CDH13: variants seen among roughly 807,000 people sequenced by gnomAD.
CDH13 encodes cadherin-13.
CDH13 carries 24 observed loss-of-function variants against 63.8 expected under a neutral mutation model. That is an observed-to-expected ratio of 0.38 (90% CI 0.27 to 0.53). The LOEUF is 0.53. Ranked by LOEUF, CDH13 falls within the 20% of genes least tolerant of loss-of-function variation. CDH13 has a pLI of 0.85. For missense variants in CDH13, 1,049 were observed against 903.1 expected, an observed-to-expected ratio of 1.16 and a Z score of -2.07; for synonymous variants, 503 against 355.3, an observed-to-expected ratio of 1.42 and a Z score of -4.67.
At chr16:83,318,138 T>A (rs1231133054) in intron 5 of CDH13, among the ~76,000 whole-genome samples, 1 of 152,212 alleles carries the variant, frequency 6.6e-6, no homozygotes, top group African/African-American at 2.4e-5. Context: ...ACACAGTGTC[T>A]AAAACATACT....
intron 7 of CDH13, among the ~76,000 whole-genome samples, chr16:83,594,138 A>C (rs1418807043): frequency 6.6e-6 from 1 of 152,218 alleles, no homozygotes; most frequent in Non-Finnish European, 1.5e-5. Flanking sequence ...TGTTGGCAGC[A>C]TGGTTGGCAA....
At chr16:83,248,748 A>G (rs1905207404) in intron 5 of CDH13, among the ~76,000 whole-genome samples, 1 of 151,836 alleles carries the variant, frequency 6.6e-6, no homozygotes, top group Non-Finnish European at 1.5e-5. Context: ...TCCATTTCTC[A>G]TTATGTTCCC....
intron 5 of CDH13, among the ~76,000 whole-genome samples, chr16:83,233,831 A>C (rs983227715): frequency 6.6e-6 from 1 of 152,158 alleles, no homozygotes; most frequent in Admixed American, 6.5e-5. Context: ...ACATAGTCAA[A>C]GTTTCCAGAC....
At chr16:82,952,203 T>G (rs1905391331) in intron 2 of CDH13, among the ~76,000 whole-genome samples, 1 of 152,240 alleles carries the variant, frequency 6.6e-6, no homozygotes, top group Non-Finnish European at 1.5e-5. Context: ...ACGTGGGTGC[T>G]GCCCGAGAAG....
intron 1 of CDH13, among the ~76,000 whole-genome samples, chr16:82,754,594 C>T (rs749169516): frequency 1.1e-4 from 17 of 152,146 alleles, no homozygotes; most frequent in Non-Finnish European, 2.4e-4. Context: ...AGCTTCTACA[C>T]AAAGGAAGAT....
rs28465669 is a variant in CDH13, at chr16:82,750,127, C to T, written c.46-108235C>T. ...TGATTCCTGGAGGACATAAGTTGAG[C>T]GGGGTGCTTTTGGAGGTTAACTCCA... On this transcript the variant is annotated intron_variant, in intron 1 of 13. Coordinates refer to ENST00000567109, the MANE Select transcript of CDH13 (RefSeq NM_001257.5). Among the ~76,000 whole-genome samples, 315 of 152,170 alleles carry T rather than the reference C, an allele frequency of 2.1e-3. 1 individual carries two copies. Among genetic ancestry groups the T allele is most frequent in the African/African-American group, 7.2e-3 (300 of 41,510 alleles).
chr16:83,070,338 C>T (rs1418377322), intron 3 of CDH13, among the ~76,000 whole-genome samples: 1 of 151,654 alleles, frequency 6.6e-6, no homozygotes, highest in Non-Finnish European at 1.5e-5. Flanking sequence ...TGCCTTCTGG[C>T]CATAAGTACC....
At chr16:82,642,590 T>C (rs897487348) in intron 1 of CDH13, among the ~76,000 whole-genome samples, 10 of 152,202 alleles carry the variant, frequency 6.6e-5, no homozygotes, top group African/African-American at 2.2e-4. Context: ...AATCATACAA[T>C]CTCCACCAGA....
At chr16:83,211,445 T>C (rs2039334237) in intron 4 of CDH13, among the ~76,000 whole-genome samples, 1 of 152,220 alleles carries the variant, frequency 6.6e-6, no homozygotes, top group Non-Finnish European at 1.5e-5. Flanking sequence ...ATAATTCATA[T>C]ATAATGACCT....
chr16:83,271,884 C>A (rs1010561756), intron 5 of CDH13, among the ~76,000 whole-genome samples: 2 of 152,186 alleles, frequency 1.3e-5, no homozygotes, highest in African/African-American at 4.8e-5. Context: ...GCCTCTTTAG[C>A]TGGATTAATC....
chr16:82,743,626 T>TTTAAA (rs2034033367), intron 1 of CDH13, among the ~76,000 whole-genome samples: 1 of 152,172 alleles, frequency 6.6e-6, no homozygotes, highest in African/African-American at 2.4e-5. Context: ...ATACCTTTCA[T>TTTAAA]GTACACAATT....
At chr16:82,665,613 C>T (rs1349075150) in intron 1 of CDH13, among the ~76,000 whole-genome samples, 1 of 152,082 alleles carries the variant, frequency 6.6e-6, no homozygotes, top group Non-Finnish European at 1.5e-5. Flanking sequence ...AAAAAGGCGG[C>T]TGCATGCCTA....
intron 6 of CDH13, among the ~76,000 whole-genome samples, chr16:83,386,323 A>G (rs1030524407): frequency 6.6e-6 from 1 of 152,186 alleles, no homozygotes; most frequent in Non-Finnish European, 1.5e-5. Context: ...CCACAAAGGG[A>G]TAGGCGTCCC....
chr16:83,046,431 C>G (rs1464138248), intron 3 of CDH13, among the ~76,000 whole-genome samples: 5 of 151,974 alleles, frequency 3.3e-5, no homozygotes, highest in Non-Finnish European at 1.5e-5. Context: ...AAAGTCAATT[C>G]TCTAAGAAAA....
At chr16:83,357,087 A>C (rs569603180) in intron 6 of CDH13, among the ~76,000 whole-genome samples, 1 of 152,062 alleles carries the variant, frequency 6.6e-6, no homozygotes, top group African/African-American at 2.4e-5. Flanking sequence ...TCGTGTTTCT[A>C]TAGTCAAGCT....
chr16:82,778,570 G>GAAAAA lies in CDH13; in HGVS notation c.46-79773_46-79769dup, dbSNP rs11350020. Among the ~76,000 whole-genome samples, 845 of 85,704 alleles carry GAAAAA rather than the reference G, an allele frequency of 9.9e-3. 21 individuals are homozygous for GAAAAA. Among genetic ancestry groups the GAAAAA allele is most frequent in the South Asian group, 0.017 (35 of 2,110 alleles). The allele number at this position is 85,704 out of a possible 152,430, so 56.2% of individuals were successfully genotyped here. On this transcript the variant is annotated intron_variant, in intron 1 of 13. Coordinates refer to ENST00000567109, the MANE Select transcript of CDH13 (RefSeq NM_001257.5). ...GGAATGGCCTTTGGAATCACGACCA[G>GAAAAA]AAAAAAAAAAAAAAAAAAAAAAAGG...
intron 1 of CDH13, among the ~76,000 whole-genome samples, chr16:82,680,659 C>G (rs58217216): frequency 5.3e-5 from 8 of 152,092 alleles, no homozygotes; most frequent in Non-Finnish European, 1.0e-4. Context: ...CACACACAAG[C>G]TGGAATAATA....
At chr16:83,772,385 TA>T (rs918188711) in intron 11 of CDH13, among the ~76,000 whole-genome samples, 1 of 151,878 alleles carries the variant, frequency 6.6e-6, no homozygotes, top group Non-Finnish European at 1.5e-5. Context: ...GCCATTTGGA[TA>T]AAAAATAAGA....
intron 6 of CDH13, among the ~76,000 whole-genome samples, chr16:83,377,968 G>T (rs2091487845): frequency 6.6e-6 from 1 of 152,194 alleles, no homozygotes; most frequent in South Asian, 2.1e-4. Context: ...ATGAGTAGAA[G>T]ATGAATTTGC....
Sources: allele counts gnomAD v4.1 joint callset (sites outside exome capture counted in the v4.1 genomes callset), GRCh38; gene constraint gnomAD v4.1.1; transcripts MANE v1.5; gene names NCBI Gene and HGNC (gene_info 2026-07-23, HGNC 2026-07-21).